Variants in SLC39A12 observed in about 807,000 individuals in gnomAD.
SLC39A12 encodes the protein solute carrier family 39 member 12, also known as zinc transporter ZIP12.
Under a neutral mutation model 71.1 loss-of-function variants are expected in SLC39A12, and 63 were observed. That is an observed-to-expected ratio of 0.89 (90% CI 0.72 to 1.09). SLC39A12 has a LOEUF of 1.09. Among genes scored for constraint, SLC39A12 ranks in the 50% least tolerant of loss-of-function variants. The pLI, the probability that SLC39A12 is intolerant of heterozygous loss-of-function variation, is 0.00. For synonymous variants in SLC39A12, 351 were observed against 301.3 expected, an observed-to-expected ratio of 1.16 and a Z score of -1.71; for missense variants, 892 against 812.6, an observed-to-expected ratio of 1.10 and a Z score of -1.19.
chr10:17,991,759 A>G (rs985344708), intron 8 of SLC39A12, among the ~76,000 whole-genome samples: 1 of 152,186 alleles, frequency 6.6e-6, no homozygotes, highest in African/African-American at 2.4e-5. Flanking sequence ...TTTCAGCTTT[A>G]GTAATTTCTT....
At chr10:17,961,254 T>G (rs1370308310) in intron 2 of SLC39A12, among the ~76,000 whole-genome samples, 1 of 152,112 alleles carries the variant, frequency 6.6e-6, no homozygotes, top group Non-Finnish European at 1.5e-5. Flanking sequence ...AAAAGAAGAT[T>G]GCAAGGAATT....
intron 11 of SLC39A12, 112 bp from the exon 12 acceptor site, chr10:18,003,059 C>A: frequency 1.2e-6 from 1 of 834,836 alleles, no homozygotes; most frequent in Non-Finnish European, 1.9e-6. Flanking sequence ...CTCAACTCTA[C>A]CTATAAAATT....
chr10:18,002,293 A>G (rs41277356), intron 11 of SLC39A12: 2,576 of 152,138 alleles, frequency 0.017, 42 homozygotes, highest in South Asian at 0.03. Flanking sequence ...AAGTCCTGAC[A>G]CTGACTCATT....
intron 6 of SLC39A12, among the ~76,000 whole-genome samples, chr10:17,984,631 T>A (rs1187903338): frequency 6.6e-6 from 1 of 152,214 alleles, no homozygotes; most frequent in Non-Finnish European, 1.5e-5. Flanking sequence ...TCAGGGAAGT[T>A]TCTATAACAT....
intron 12 of SLC39A12, chr10:18,009,618 G>A (rs956567034): frequency 1.3e-5 from 2 of 152,356 alleles, no homozygotes; most frequent in Admixed American, 1.3e-4. Context: ...GCAGGGGATT[G>A]GGGGGAGCAG....
At chr10:18,038,682 T>A (rs920334496) in intron 12 of SLC39A12, among the ~76,000 whole-genome samples, 25 of 126,312 alleles carry the variant, frequency 2.0e-4, no homozygotes, top group African/African-American at 6.1e-4. Flanking sequence ...AATAAATAAA[T>A]AAAAATAACT....
chr10:17,994,679 C>G (rs575753740), intron 9 of SLC39A12, among the ~76,000 whole-genome samples: 2 of 152,306 alleles, frequency 1.3e-5, no homozygotes, highest in South Asian at 4.1e-4. Context: ...TTCCTGCTCT[C>G]TGTATCCTAC....
chr10:17,953,081 T>C (rs1834445262), intron 1 of SLC39A12, 110 bp from the exon 2 acceptor site: 2 of 666,428 alleles, frequency 3.0e-6, no homozygotes, highest in Admixed American at 6.0e-5. Flanking sequence ...ACCCCCGCTG[T>C]GTAGAAACAG....
intron 2 of SLC39A12, among the ~76,000 whole-genome samples, chr10:17,960,669 T>C (rs558116789): frequency 6.6e-6 from 1 of 152,138 alleles, no homozygotes; most frequent in Non-Finnish European, 1.5e-5. Flanking sequence ...ACGAGTGCTA[T>C]GAAGAAAAAT....
At chr10:17,971,835 T>A (rs1318812571) in intron 4 of SLC39A12, among the ~76,000 whole-genome samples, 1 of 152,214 alleles carries the variant, frequency 6.6e-6, no homozygotes, top group Non-Finnish European at 1.5e-5. Context: ...ATTCATTTAC[T>A]TCTGCTCTAA....
chr10:17,991,308 A>AT lies in SLC39A12; in HGVS notation c.1422+10dup. The stretch of plus-strand genomic sequence containing the variant: ...CTTGTATCACCAAATGACAAGGTAT[A>AT]TTTTTAAGTTTTATTTGTCTTGTGC... On this transcript the variant is annotated splice_donor_region_variant and intron_variant, in intron 8 of 12. Transcript: ENST00000377369. 6.4e-7 allele frequency: 1 copy of AT among 1,568,360 alleles called. No homozygotes were observed. Among genetic ancestry groups the AT allele is most frequent in the Non-Finnish European group, 8.6e-7 (1 of 1,164,312 alleles).
chr10:18,042,579 G>A (rs1837288916), intron 12 of SLC39A12, 126 bp from the exon 13 acceptor site: 3 of 826,272 alleles, frequency 3.6e-6, no homozygotes, highest in Non-Finnish European at 5.1e-6. Flanking sequence ...TCAGCATTTT[G>A]TAACTGTTTT....
chr10:18,030,842 C>A (rs1430602719), intron 12 of SLC39A12, among the ~76,000 whole-genome samples: 2 of 134,488 alleles, frequency 1.5e-5, no homozygotes, highest in African/African-American at 2.8e-5. Context: ...ATTCCCCTTC[C>A]TGTGTCCATG....
chr10:18,036,287 A>T (rs1392540788), intron 12 of SLC39A12, among the ~76,000 whole-genome samples: 1 of 152,140 alleles, frequency 6.6e-6, no homozygotes, highest in Non-Finnish European at 1.5e-5. Context: ...CTGCTGTGCC[A>T]GTAATCAGTG....
At chr10:17,992,566 C>T (rs997874351) in intron 8 of SLC39A12, among the ~76,000 whole-genome samples, 1 of 152,072 alleles carries the variant, frequency 6.6e-6, no homozygotes, top group Non-Finnish European at 1.5e-5. Context: ...AAAAAAATAA[C>T]AAATCCCCAC....
At chr10:18,039,602 C>T (rs1837162740) in intron 12 of SLC39A12, among the ~76,000 whole-genome samples, 1 of 152,156 alleles carries the variant, frequency 6.6e-6, no homozygotes, top group East Asian at 1.9e-4. Context: ...GTAGTATGCA[C>T]CTGCAGTCTT....
At chr10:17,961,457 C>T in intron 2 of SLC39A12, 124 bp from the exon 3 acceptor site, 1 of 923,548 alleles carries the variant, frequency 1.1e-6, no homozygotes, top group East Asian at 2.6e-5. Flanking sequence ...GGCTATTGGT[C>T]CTGCCTGCTT....
rs763185754 is a variant in SLC39A12 at position 18,000,690 on chromosome 10, A to G, written c.1624A>G (p.Ile542Val). The G allele has an allele frequency of 8.1e-6, 13 of 1,614,202 alleles. No homozygotes were observed. The highest frequency in any genetic ancestry group is 1.6e-4 in the Middle Eastern group (1 of 6,062). The change falls in exon 11 of 13, where the codon ATC (isoleucine) becomes GTC (valine). Residue 542 changes from isoleucine to valine, a missense_variant. Physicochemically the swap from Ile to Val is conservative, Grantham distance 29. Transcript: ENST00000377369. ...AGGTAAAGCCATTAGCTTGTTAGCA[A>G]TCATGATTCTGGTTGGGGACAGCCT... ...RKCKAISLLA[I>V]MILVGDSLHN...
intron 12 of SLC39A12, among the ~76,000 whole-genome samples, chr10:18,037,099 T>C (rs2130904617): frequency 6.6e-6 from 1 of 152,168 alleles, no homozygotes; most frequent in East Asian, 1.9e-4. Context: ...AAAATTGCTA[T>C]AGATTATACC....
Sources: gnomAD v4.1 joint callset for allele counts (sites outside exome capture counted in the v4.1 genomes callset) on GRCh38, gnomAD v4.1.1 for gene constraint, MANE v1.5 for transcripts, NCBI Gene and HGNC (gene_info 2026-07-23, HGNC 2026-07-21) for gene names.